The following DDAH1 variants were observed in gnomAD, a reference collection of about 807,000 sequenced individuals.
DDAH1 encodes dimethylarginine dimethylaminohydrolase 1, also known as N(G),N(G)-dimethylarginine dimethylaminohydrolase 1.
Under a neutral mutation model 28.8 loss-of-function variants are expected in DDAH1, and 19 were observed. The ratio of observed to expected loss-of-function variants is 0.66; its 90% CI spans 0.46 to 0.97. DDAH1 has a LOEUF of 0.97. DDAH1 is among the 50% of genes least tolerant of loss of function. DDAH1 has a pLI of 0.00. For synonymous variants in DDAH1, 153 were observed against 154.4 expected, an observed-to-expected ratio of 0.99 and a Z score of 0.07; for missense variants, 326 against 375.9, an observed-to-expected ratio of 0.87 and a Z score of 1.10.
Position 85,351,560 on chromosome 1 carries a change from G to A in DDAH1, c.423C>T (p.Gly141=), listed in dbSNP as rs1384071114. Residue 141 remains glycine, a synonymous_variant, in exon 3 of 6, where the codon GGC becomes GGT. Coordinates refer to ENST00000284031, the MANE Select transcript of DDAH1 (RefSeq NM_012137.4). ...VLFTGREFFV[G]LSKRTNQRGA... Reference sequence around the variant, plus strand: ...CTCGTTGATTTGTCCTTTTGGAAAGGCCCACAAAAAATTCTCTGCCTGTAA... The same window carrying A: ...CTCGTTGATTTGTCCTTTTGGAAAGACCCACAAAAAATTCTCTGCCTGTAA... 6.2e-7 allele frequency: 1 copy of A among 1,613,898 alleles called. No individual in the cohort carries two copies. Among genetic ancestry groups the A allele is most frequent in the South Asian group, 1.1e-5 (1 of 91,054 alleles).
At chr1:85,372,133 T>C (rs1353873362) in intron 1 of DDAH1, among the ~76,000 whole-genome samples, 2 of 152,164 alleles carry the variant, frequency 1.3e-5, no homozygotes, top group Non-Finnish European at 2.9e-5. Context: ...GAAGCTGCCT[T>C]CTGATTCCAG....
At chr1:85,466,993 A>G (rs1157661648), upstream of DDAH1, among the ~76,000 whole-genome samples, 1 of 151,166 alleles carries the variant, frequency 6.6e-6, no homozygotes, top group Non-Finnish European at 1.5e-5. Flanking sequence ...ATGTGCCACC[A>G]CGCCTGGCTA....
intron 1 of DDAH1, among the ~76,000 whole-genome samples, chr1:85,513,121 C>T (rs949236919): frequency 6.6e-6 from 1 of 152,076 alleles, no homozygotes; most frequent in African/African-American, 2.4e-5. Flanking sequence ...CTACAGTAAC[C>T]AAAACAGCAT....
chr1:85,529,712 G>A (rs1253933290), intron 1 of DDAH1, among the ~76,000 whole-genome samples: 2 of 142,832 alleles, frequency 1.4e-5, no homozygotes, highest in African/African-American at 2.6e-5. Flanking sequence ...GGTGGCAGAG[G>A]CCAGGCAGGG....
At chr1:85,477,952 A>C (rs68072919) in intron 2 of DDAH1, among the ~76,000 whole-genome samples, 37,432 of 151,984 alleles carry the variant, frequency 0.25, 5,027 homozygotes, top group East Asian at 0.49. Flanking sequence ...ATTAAACATA[A>C]TTGCAAAAAA....
chr1:85,532,363 C>G (rs1317541888), intron 1 of DDAH1, among the ~76,000 whole-genome samples: 1 of 150,846 alleles, frequency 6.6e-6, no homozygotes, highest in African/African-American at 2.4e-5. Context: ...CTTTCAGTAA[C>G]TAAAAAACCT....
chr1:85,562,224 T>G (rs1659162964), intron 1 of DDAH1, among the ~76,000 whole-genome samples: 1 of 152,142 alleles, frequency 6.6e-6, no homozygotes, highest in African/African-American at 2.4e-5. Context: ...TCTCACTGTA[T>G]TAACAAATCA....
At chr1:85,365,644 C>G (rs1650034089) in intron 1 of DDAH1, among the ~76,000 whole-genome samples, 1 of 152,024 alleles carries the variant, frequency 6.6e-6, no homozygotes, top group Admixed American at 6.6e-5. Context: ...TATATACACT[C>G]CAAACAAAAG....
At chr1:85,457,835 G>A (rs1343981991) in intron 1 of DDAH1, among the ~76,000 whole-genome samples, 5 of 151,736 alleles carry the variant, frequency 3.3e-5, no homozygotes, top group East Asian at 1.9e-4. Context: ...GACTACAGGC[G>A]CCTGCCAGCA....
intron 1 of DDAH1, among the ~76,000 whole-genome samples, chr1:85,539,775 G>A (rs1408332550): frequency 6.6e-6 from 1 of 152,086 alleles, no homozygotes; most frequent in African/African-American, 2.4e-5. Context: ...TTACATTACT[G>A]GCAGGTGATT....
intron 1 of DDAH1, among the ~76,000 whole-genome samples, chr1:85,396,682 G>A (rs1235937676): frequency 6.6e-6 from 1 of 152,080 alleles, no homozygotes; most frequent in Non-Finnish European, 1.5e-5. Flanking sequence ...AGGAAATATT[G>A]TCAATAAGAG....
At chr1:85,368,648 AAT>A (rs541574929) in intron 1 of DDAH1, among the ~76,000 whole-genome samples, 27 of 152,294 alleles carry the variant, frequency 1.8e-4, no homozygotes, top group African/African-American at 6.5e-4. Context: ...GGCAAATAAA[AAT>A]ATGATTTATC....
At chr1:85,344,972 G>C (rs1570405670) in intron 4 of DDAH1, among the ~76,000 whole-genome samples, 1 of 152,174 alleles carries the variant, frequency 6.6e-6, no homozygotes, top group African/African-American at 2.4e-5. Context: ...AATTATTTCT[G>C]TAAGTCAATC....
chr1:85,538,430 C>T (rs1483527011), intron 1 of DDAH1, among the ~76,000 whole-genome samples: 1 of 152,174 alleles, frequency 6.6e-6, no homozygotes, highest in Non-Finnish European at 1.5e-5. Flanking sequence ...AGATCCTAAA[C>T]CATATGGTAT....
At chr1:85,523,101 T>C (rs1314741169) in intron 1 of DDAH1, among the ~76,000 whole-genome samples, 1 of 151,342 alleles carries the variant, frequency 6.6e-6, no homozygotes, top group East Asian at 1.9e-4. Flanking sequence ...CTGTCTGAGA[T>C]GGTCAGAGGC....
intron 1 of DDAH1, among the ~76,000 whole-genome samples, chr1:85,536,470 T>A (rs2100779614): frequency 6.6e-6 from 1 of 152,200 alleles, no homozygotes; most frequent in Non-Finnish European, 1.5e-5. Context: ...GGAGAATCGC[T>A]TGAACCCGGG....
chr1:85,557,095 T>C (rs1658994192), intron 1 of DDAH1, among the ~76,000 whole-genome samples: 1 of 152,120 alleles, frequency 6.6e-6, no homozygotes, highest in African/African-American at 2.4e-5. Context: ...CCAGCCTGGG[T>C]GACAGAGCGA....
chr1:85,443,991 T>C (rs527818094), intron 1 of DDAH1, among the ~76,000 whole-genome samples: 4 of 152,226 alleles, frequency 2.6e-5, no homozygotes, highest in Admixed American at 6.5e-5. Context: ...TTTTTCCTAA[T>C]TGAATACCCT....
chr1:85,494,840 T>C (rs1048524720), intron 2 of DDAH1: 3 of 152,304 alleles, frequency 2.0e-5, no homozygotes, highest in Admixed American at 1.3e-4. Context: ...GGCAGAATCA[T>C]ATCTTTGTGC....
Sources: gnomAD v4.1 joint callset for allele counts (sites outside exome capture counted in the v4.1 genomes callset) on GRCh38, gnomAD v4.1.1 for gene constraint, MANE v1.5 for transcripts, NCBI Gene and HGNC (gene_info 2026-07-23, HGNC 2026-07-21) for gene names.